USP3: variants seen among roughly 807,000 people sequenced by gnomAD.
USP3 encodes the protein ubiquitin carboxyl-terminal hydrolase 3.
Under a neutral mutation model 72.3 loss-of-function variants are expected in USP3, and 20 were observed. The ratio of observed to expected loss-of-function variants is 0.28; its 90% CI spans 0.19 to 0.40. USP3 has a LOEUF of 0.40. USP3 is among the 10% of genes least tolerant of loss of function. The pLI is 1.00. For missense variants in USP3, 479 were observed against 633.9 expected, an observed-to-expected ratio of 0.76 and a Z score of 2.62; for synonymous variants, 222 against 225.3, an observed-to-expected ratio of 0.99 and a Z score of 0.13.
chr15:63,548,882 A>G (rs1179797457), intron 3 of USP3, among the ~76,000 whole-genome samples: 1 of 152,152 alleles, frequency 6.6e-6, no homozygotes, highest in African/African-American at 2.4e-5. Context: ...CTTATAGTTC[A>G]ATAAAGTTAA....
At chr15:63,536,793 G>A (rs1351726091) in intron 2 of USP3, among the ~76,000 whole-genome samples, 6 of 151,916 alleles carry the variant, frequency 3.9e-5, no homozygotes, top group South Asian at 4.1e-4. Flanking sequence ...GGTGGAGCTT[G>A]CAGTGAGCCA....
At position 63,544,577 on chromosome 15, in the gene USP3, C is replaced by G. The variant is rs1283171214; in HGVS notation, c.284+7421C>G. The G allele has an allele frequency of 4.9e-6, 3 of 613,284 alleles. No individual in the cohort carries two copies. Among genetic ancestry groups the G allele is most frequent in the Non-Finnish European group, 8.7e-6 (3 of 344,762 alleles). 38.0% of individuals were successfully genotyped at this position (613,284 alleles called of 1,614,324 possible). The stretch of plus-strand genomic sequence containing the variant: ...GAATTTTTTAAAGGAAGTAAACCTA[C>G]ATTAAATTTTAGGACAAGAAAACGA... On this transcript the variant is annotated intron_variant, in intron 3 of 14. Coordinates refer to ENST00000380324, the MANE Select transcript of USP3 (RefSeq NM_006537.4). The surrounding 1 kb of genome is among the most constrained non-coding windows in gnomAD (Gnocchi z 4.2).
intron 8 of USP3, among the ~76,000 whole-genome samples, chr15:63,569,019 A>T (rs1275471148): frequency 6.6e-6 from 1 of 152,200 alleles, no homozygotes; most frequent in Non-Finnish European, 1.5e-5. Context: ...TGACTTGATG[A>T]AAATGCAAAT....
intron 4 of USP3, 93 bp from the exon 5 acceptor site, chr15:63,556,574 T>C (rs560490559): frequency 3.2e-6 from 3 of 951,470 alleles, no homozygotes; most frequent in Non-Finnish European, 4.6e-6. Flanking sequence ...CTCCATGCCC[T>C]AGGTGTTGAG....
rs2066302321 is a variant in USP3 at position 63,545,207 on chromosome 15, T to A, written c.284+8051T>A. Among the ~76,000 whole-genome samples, 3 of 152,232 alleles carry A rather than the reference T, an allele frequency of 2.0e-5. No individual in the cohort carries two copies. The South Asian group carries it at 6.2e-4, about 31-fold the overall frequency. On this transcript the variant is annotated intron_variant, in intron 3 of 14. Transcript: ENST00000380324. The stretch of plus-strand genomic sequence containing the variant: ...TTTTATTCATTGTTTACCTCCTTAA[T>A]TATATAATAGAAATAAGTAGCTTGT...
intron 1 of USP3, among the ~76,000 whole-genome samples, chr15:63,520,303 C>G (rs1452878240): frequency 6.6e-6 from 1 of 152,122 alleles, no homozygotes; most frequent in East Asian, 1.9e-4. Context: ...TTCCCATTAT[C>G]TACAATGAGT....
At chr15:63,550,148 T>C (rs1467127477) in intron 3 of USP3, among the ~76,000 whole-genome samples, 5 of 152,194 alleles carry the variant, frequency 3.3e-5, no homozygotes, top group Non-Finnish European at 7.3e-5. Flanking sequence ...GCCTCCTGAG[T>C]AGCTGGAACT....
chr15:63,530,556 G>C (rs1489945334), intron 1 of USP3: 7 of 397,198 alleles, frequency 1.8e-5, no homozygotes, highest in Non-Finnish European at 2.9e-5. Context: ...CAAGCAATCT[G>C]CCTGCCTCGG....
intron 8 of USP3, among the ~76,000 whole-genome samples, chr15:63,565,878 G>A (rs755006273): frequency 3.3e-5 from 5 of 152,144 alleles, no homozygotes; most frequent in Non-Finnish European, 5.9e-5. Flanking sequence ...AGAAAGTGCC[G>A]GGCTCAAGGA....
intron 3 of USP3, chr15:63,551,393 A>T (rs889196080): frequency 1.3e-5 from 2 of 151,786 alleles, no homozygotes; most frequent in African/African-American, 4.8e-5. Flanking sequence ...AGCTAAAAAA[A>T]TTTAATTATA....
chr15:63,573,943 A>G, intron 9 of USP3, 103 bp from the exon 10 acceptor site: 1 of 639,818 alleles, frequency 1.6e-6, no homozygotes, highest in Non-Finnish European at 2.4e-6. Flanking sequence ...TATTCCCTCA[A>G]AGGCAGTCAT....
intron 7 of USP3, 81 bp downstream of exon 7, chr15:63,560,051 G>T: frequency 8.7e-7 from 1 of 1,149,770 alleles, no homozygotes; most frequent in Non-Finnish European, 1.2e-6. Context: ...TGTACTAAGT[G>T]AGCTAACAGG....
intron 11 of USP3, among the ~76,000 whole-genome samples, chr15:63,581,040 G>A (rs1166992193): frequency 2.6e-5 from 4 of 151,906 alleles, no homozygotes; most frequent in South Asian, 2.1e-4. Context: ...TCCTGACCTC[G>A]AGTGATCTGC....
chr15:63,569,090 T>C (rs1477007743), intron 8 of USP3, among the ~76,000 whole-genome samples: 3 of 152,156 alleles, frequency 2.0e-5, no homozygotes, highest in East Asian at 1.9e-4. Context: ...GACTTAGATA[T>C]TAGGTTATTT....
Position 63,528,108 on chromosome 15 carries a change from C to T in USP3, c.92-4539C>T, listed in dbSNP as rs916480182. 6.6e-6 allele frequency: 1 copy of T among 152,268 alleles called. No individual in the cohort carries two copies. The highest frequency in any genetic ancestry group is 1.5e-5 in the Non-Finnish European group (1 of 68,154). 9.4% of individuals were successfully genotyped at this position (152,268 alleles called of 1,614,324 possible). A position where few individuals can be genotyped will look rare whatever the true frequency, so the allele number is the denominator to read the frequency against. Reference sequence around the variant, plus strand: ...CAGGGACAGAGGAAGATTCTGAAGCCGTAGCTGAAGAGGAGGCAGTGAAAG... The same window carrying T: ...CAGGGACAGAGGAAGATTCTGAAGCTGTAGCTGAAGAGGAGGCAGTGAAAG... On this transcript the variant is annotated intron_variant, in intron 1 of 14. Coordinates refer to ENST00000380324, the MANE Select transcript of USP3 (RefSeq NM_006537.4). This position sits in a 1 kb window ranked among gnomAD's most constrained non-coding sequence, Gnocchi z 4.3.
Position 63,557,983 on chromosome 15 carries a change from A to G in USP3, c.451-123A>G, listed in dbSNP as rs953205172. 8.3e-5 allele frequency: 70 copies of G among 844,136 alleles called. No individual in the cohort carries two copies. In the Middle Eastern group the frequency reaches 2.0e-3, roughly 24 times the overall value. The allele number at this position is 844,136 out of a possible 1,614,324, so 52.3% of individuals were successfully genotyped here. On this transcript the variant is annotated intron_variant, in intron 5 of 14. Coordinates refer to ENST00000380324, the MANE Select transcript of USP3 (RefSeq NM_006537.4). ...AGTTTGTTTGAAATATTCATTGGAC[A>G]GAAAAGGACCAATTCCAAATTGGCT...
At chr15:63,520,113 C>T (rs900902510) in intron 1 of USP3, among the ~76,000 whole-genome samples, 1 of 152,136 alleles carries the variant, frequency 6.6e-6, no homozygotes, top group African/African-American at 2.4e-5. Flanking sequence ...TAAGATCTCT[C>T]AGCACAGTAG....
intron 3 of USP3, chr15:63,542,235 C>T: frequency 1.0e-6 from 1 of 975,644 alleles, no homozygotes; most frequent in Non-Finnish European, 1.2e-6. Context: ...ATATGTTATT[C>T]AGTATGGTAG....
chr15:63,590,419 G>A (rs2067172857), intron 14 of USP3, among the ~76,000 whole-genome samples: 2 of 152,278 alleles, frequency 1.3e-5, no homozygotes, highest in South Asian at 4.1e-4. Context: ...ACCTGTGCTT[G>A]TTAGGTTGCG....
Sources: allele counts gnomAD v4.1 joint callset (sites outside exome capture counted in the v4.1 genomes callset), GRCh38; gene constraint gnomAD v4.1.1; non-coding constraint Gnocchi (gnomAD v3.1); transcripts MANE v1.5; gene names NCBI Gene and HGNC (gene_info 2026-07-23, HGNC 2026-07-21).